Variants in ASAP3 observed in about 807,000 individuals in gnomAD.
ASAP3 encodes the protein arf-GAP with SH3 domain, ANK repeat and PH domain-containing protein 3.
In ASAP3, 85 loss-of-function variants were observed where a neutral mutation model predicts 118.2. That is an observed-to-expected ratio of 0.72 (90% CI 0.60 to 0.86). ASAP3 has a LOEUF of 0.86. ASAP3 is among the 40% of genes least tolerant of loss of function. ASAP3 has a pLI of 0.00. For missense variants in ASAP3, 1,026 were observed against 1,175.0 expected, an observed-to-expected ratio of 0.87 and a Z score of 1.85; for synonymous variants, 432 against 477.4, an observed-to-expected ratio of 0.90 and a Z score of 1.24.
At chr1:23,467,315 G>A (rs1410945421) in intron 1 of ASAP3, among the ~76,000 whole-genome samples, 1 of 151,864 alleles carries the variant, frequency 6.6e-6, no homozygotes, top group Non-Finnish European at 1.5e-5. Context: ...CCATTCTCCT[G>A]CCTCAGCCTC....
chr1:23,441,643 G>T lies in ASAP3; in HGVS notation c.747+12C>A. The T allele has an allele frequency of 6.2e-7, 1 of 1,614,096 alleles. No individual in the cohort carries two copies. The highest frequency in any genetic ancestry group is 1.1e-5 in the South Asian group (1 of 91,060). ...GGCTTGATCACGTGCCCAAGGGTGA[G>T]ACCCAACTTACTGCATGTACTGAGG... On this transcript the variant is annotated intron_variant, in intron 8 of 24. Coordinates refer to ENST00000336689, the MANE Select transcript of ASAP3 (RefSeq NM_017707.4).
At chr1:23,449,299 G>C (rs1641141424) in intron 5 of ASAP3, among the ~76,000 whole-genome samples, 1 of 152,128 alleles carries the variant, frequency 6.6e-6, no homozygotes, top group African/African-American at 2.4e-5. Context: ...TCGCCGCATT[G>C]ACCCTGAAAG....
At chr1:23,464,839 G>T (rs1641715264) in intron 1 of ASAP3, among the ~76,000 whole-genome samples, 1 of 152,028 alleles carries the variant, frequency 6.6e-6, no homozygotes, top group Admixed American at 6.6e-5. Context: ...TGGGGGTGAG[G>T]TCCAGCAATC....
intron 10 of ASAP3, among the ~76,000 whole-genome samples, chr1:23,439,857 C>G (rs1640800894): frequency 6.6e-6 from 1 of 152,134 alleles, no homozygotes; most frequent in African/African-American, 2.4e-5. Context: ...CTCTGTCACC[C>G]AGGCTGGAAT....
rs778585763 is a variant in ASAP3 at position 23,437,342 on chromosome 1, G to C, written c.1152-22C>G. On this transcript the variant is annotated intron_variant, in intron 13 of 24. Transcript: ENST00000336689. The surrounding 1 kb of genome is among the most constrained non-coding windows in gnomAD (Gnocchi z 6.1). ...CCACCTGCGGAGATTGAACGGGGTG[G>C]GATGGGGATGTCAAGTGGGAAGAGA... 4 of 1,609,096 alleles carry C rather than the reference G, an allele frequency of 2.5e-6. No individual in the cohort carries two copies. In the Admixed American group the frequency reaches 6.7e-5, roughly 27 times the overall value.
intron 1 of ASAP3, among the ~76,000 whole-genome samples, chr1:23,474,267 T>G (rs1282017503): frequency 6.6e-6 from 1 of 152,108 alleles, no homozygotes; most frequent in Non-Finnish European, 1.5e-5. Flanking sequence ...AAATCTGCTC[T>G]TAAGGTTCCC....
At chr1:23,467,205 C>T (rs866213936) in intron 1 of ASAP3, among the ~76,000 whole-genome samples, 2 of 133,768 alleles carry the variant, frequency 1.5e-5, no homozygotes, top group African/African-American at 3.8e-5. Context: ...ATTATTATTA[C>T]TATTTTTGAA....
chr1:23,435,699 G>T, intron 17 of ASAP3, 152 bp downstream of exon 17: 1 of 898,468 alleles, frequency 1.1e-6, no homozygotes, highest in Non-Finnish European at 1.8e-6. Flanking sequence ...CTGCCTGACT[G>T]AAGCTGTGCT....
chr1:23,429,819 G>A lies in ASAP3; in HGVS notation c.*37C>T. On this transcript the variant is annotated 3_prime_UTR_variant, in exon 25 of 25. Transcript: ENST00000336689. ...AGCTCAAGTCCCAGCTCTGAACATT[G>A]GGGCCTAGCATGGGGCATGTGGGGG... 6.2e-7 allele frequency: 1 copy of A among 1,600,258 alleles called. No homozygotes were observed. The highest frequency in any genetic ancestry group is 8.5e-7 in the Non-Finnish European group (1 of 1,171,092).
At position 23,437,593 on chromosome 1, in the gene ASAP3, T is replaced by G; in HGVS notation, c.1103-121A>C. ...GATGTGTCCCTGACAAGTCGGACTC[T>G]CAAGCTAGGAGTGGGAAGGGAGTGG... On this transcript the variant is annotated intron_variant, in intron 12 of 24. Transcript: ENST00000336689. This position sits in a 1 kb window ranked among gnomAD's most constrained non-coding sequence, Gnocchi z 6.1. The G allele has an allele frequency of 8.0e-7, 1 of 1,248,690 alleles. No individual in the cohort carries two copies. Among genetic ancestry groups the G allele is most frequent in the South Asian group, 1.4e-5 (1 of 70,514 alleles). The allele number at this position is 1,248,690 out of a possible 1,614,324, so 77.4% of individuals were successfully genotyped here.
intron 1 of ASAP3, among the ~76,000 whole-genome samples, chr1:23,469,844 C>T (rs529127914): frequency 1.3e-5 from 2 of 152,310 alleles, no homozygotes; most frequent in East Asian, 1.9e-4. Context: ...AACGCAGAGA[C>T]CTCTGCCTCC....
chr1:23,479,835 T>C (rs1305991169), intron 1 of ASAP3: 2 of 152,204 alleles, frequency 1.3e-5, no homozygotes, highest in Non-Finnish European at 1.5e-5. Flanking sequence ...GGGATTGAGA[T>C]AGTTGTTCAT....
Position 23,431,795 on chromosome 1 carries a change from G to C in ASAP3, c.2447C>G (p.Pro816Arg), listed in dbSNP as rs758220211. The C allele has an allele frequency of 2.8e-5, 43 of 1,550,408 alleles. No individual in the cohort carries two copies. The highest frequency in any genetic ancestry group is 3.5e-5 in the Non-Finnish European group (40 of 1,155,462). ...LEPGDPSQAP[P>R]NSEEGLREPP... ...CTCTCGGAGGCCCTCTTCAGAGTTGGGTGGGGCTTGGCTGGGATCCCCAGG... is the reference window on the plus strand; with the variant it reads ...CTCTCGGAGGCCCTCTTCAGAGTTGCGTGGGGCTTGGCTGGGATCCCCAGG... The change falls in exon 23 of 25, where the codon CCC (proline) becomes CGC (arginine). Residue 816 changes from proline to arginine, a missense_variant. Pro to Arg is a moderately radical substitution (Grantham distance 103). Coordinates refer to ENST00000336689, the MANE Select transcript of ASAP3 (RefSeq NM_017707.4).
At position 23,484,179 on chromosome 1, in the gene ASAP3, T is replaced by C. The variant is rs892061548; in HGVS notation, c.-46A>G. 12 of 1,228,092 alleles carry C rather than the reference T, an allele frequency of 9.8e-6. No individual in the cohort carries two copies. The highest frequency in any genetic ancestry group is 1.2e-5 in the Non-Finnish European group (12 of 985,210). 76.1% of individuals were successfully genotyped at this position (1,228,092 alleles called of 1,614,324 possible). On this transcript the variant is annotated 5_prime_UTR_variant, in exon 1 of 25. Coordinates refer to ENST00000336689, the MANE Select transcript of ASAP3 (RefSeq NM_017707.4). ...TGCCGGAGCGGGGCGCGGGGGGCAC[T>C]GAGCTGCTCCGCGCTGAGCCGGCCT...
chr1:23,444,772 C>T (rs1640993529), intron 5 of ASAP3, among the ~76,000 whole-genome samples: 1 of 152,184 alleles, frequency 6.6e-6, no homozygotes, highest in African/African-American at 2.4e-5. Flanking sequence ...GAATCTGTCC[C>T]TGGGGACCTG....
At chr1:23,451,325 G>T (rs929614981) in intron 5 of ASAP3, among the ~76,000 whole-genome samples, 154 bp downstream of exon 5, 1 of 152,128 alleles carries the variant, frequency 6.6e-6, no homozygotes, top group Non-Finnish European at 1.5e-5. Flanking sequence ...CCAGAATCCA[G>T]TCAGGTCTGG....
chr1:23,467,237 TAGGCTGAA>T (rs1487746198), intron 1 of ASAP3, among the ~76,000 whole-genome samples: 2 of 151,422 alleles, frequency 1.3e-5, no homozygotes, highest in Admixed American at 1.3e-4. Flanking sequence ...CTCTGTTGCC[TAGGCTGAA>T]GTGCTGAAGT....
intron 5 of ASAP3, among the ~76,000 whole-genome samples, chr1:23,444,466 G>C (rs1640983080): frequency 6.6e-6 from 1 of 152,256 alleles, no homozygotes; most frequent in African/African-American, 2.4e-5. Context: ...CAAAGACAGA[G>C]TGGGATTAAT....
At chr1:23,455,446 C>T (rs1487010848) in intron 3 of ASAP3, among the ~76,000 whole-genome samples, 3 of 152,078 alleles carry the variant, frequency 2.0e-5, no homozygotes, top group Non-Finnish European at 1.5e-5. Context: ...GATTTAAGTA[C>T]GAAGCAGATG....
Sources: allele counts gnomAD v4.1 joint callset (sites outside exome capture counted in the v4.1 genomes callset), GRCh38; gene constraint gnomAD v4.1.1; non-coding constraint Gnocchi (gnomAD v3.1); transcripts MANE v1.5; gene names NCBI Gene and HGNC (gene_info 2026-07-23, HGNC 2026-07-21).